The following PCDH7 variants were observed in gnomAD, a reference collection of about 807,000 sequenced individuals.
The protein encoded by PCDH7 is protocadherin 7, also known as protocadherin-7.
In PCDH7, 17 loss-of-function variants were observed where a neutral mutation model predicts 58.9. That is an observed-to-expected ratio of 0.29 (90% CI 0.20 to 0.43). The LOEUF (loss-of-function observed/expected upper bound fraction) is 0.43, where lower values mean the gene tolerates loss of function less well. Among genes scored for constraint, PCDH7 ranks in the 20% least tolerant of loss-of-function variants. The pLI is 1.00. For synonymous variants in PCDH7, 664 were observed against 616.4 expected, an observed-to-expected ratio of 1.08 and a Z score of -1.14; for missense variants, 1,274 against 1,441.0, an observed-to-expected ratio of 0.88 and a Z score of 1.88.
chr4:30,831,631 A>G (rs1439583029), intron 1 of PCDH7, among the ~76,000 whole-genome samples: 1 of 152,140 alleles, frequency 6.6e-6, no homozygotes, highest in Non-Finnish European at 1.5e-5. Flanking sequence ...ACCTCTACTC[A>G]TTGTATACAC....
chr4:30,901,518 T>G (rs1403265267), intron 1 of PCDH7, among the ~76,000 whole-genome samples: 3 of 152,284 alleles, frequency 2.0e-5, no homozygotes, highest in East Asian at 1.9e-4. Context: ...TTTTTAAGTT[T>G]CCCAGGTAAT....
chr4:31,137,156 G>GA (rs1719697807), intron 3 of PCDH7, among the ~76,000 whole-genome samples: 1 of 152,094 alleles, frequency 6.6e-6, no homozygotes, highest in Admixed American at 6.6e-5. Flanking sequence ...TGTGCTTCTA[G>GA]AAAAAATAAG....
At chr4:30,970,109 C>G (rs1749421301) in intron 3 of PCDH7, among the ~76,000 whole-genome samples, 1 of 152,146 alleles carries the variant, frequency 6.6e-6, no homozygotes, top group Non-Finnish European at 1.5e-5. Flanking sequence ...AAGTACTGTG[C>G]ATACTGCTGC....
intron 1 of PCDH7, among the ~76,000 whole-genome samples, chr4:30,787,653 T>A (rs1257329517): frequency 1.3e-5 from 2 of 152,088 alleles, no homozygotes; most frequent in Non-Finnish European, 2.9e-5. Context: ...AGGGCCTTTT[T>A]AAATTTATTG....
chr4:30,819,271 G>T (rs1417350639), intron 1 of PCDH7, among the ~76,000 whole-genome samples: 4 of 152,122 alleles, frequency 2.6e-5, no homozygotes, highest in Non-Finnish European at 4.4e-5. Context: ...GGGAACCTAG[G>T]CCTGGCTCTC....
intron 1 of PCDH7, among the ~76,000 whole-genome samples, chr4:30,813,833 G>A (rs1287770837): frequency 2.0e-5 from 3 of 152,074 alleles, no homozygotes; most frequent in South Asian, 2.1e-4. Context: ...GTAGAGATGC[G>A]GTTTGACCAT....
At chr4:31,014,667 G>A (rs1578563725) in intron 3 of PCDH7, among the ~76,000 whole-genome samples, 4 of 152,168 alleles carry the variant, frequency 2.6e-5, no homozygotes, top group Middle Eastern at 6.8e-3. Context: ...ACTTACCCAC[G>A]ATGTAGAGAA....
chr4:30,841,341 T>G (rs1232911911), intron 1 of PCDH7, among the ~76,000 whole-genome samples: 1 of 152,154 alleles, frequency 6.6e-6, no homozygotes, highest in Non-Finnish European at 1.5e-5. Context: ...AAATTTCATC[T>G]TGATATAATG....
chr4:31,006,385 G>A (rs993148935), intron 3 of PCDH7, among the ~76,000 whole-genome samples: 1 of 152,148 alleles, frequency 6.6e-6, no homozygotes, highest in Non-Finnish European at 1.5e-5. Flanking sequence ...ATGAGAATGA[G>A]ATCATATGGA....
At chr4:31,010,168 G>T (rs1269335036) in intron 3 of PCDH7, among the ~76,000 whole-genome samples, 1 of 151,912 alleles carries the variant, frequency 6.6e-6, no homozygotes, top group African/African-American at 2.4e-5. Context: ...ATAAAGCTGG[G>T]AGGGTTTTGC....
intron 1 of PCDH7, among the ~76,000 whole-genome samples, chr4:30,827,726 G>C (rs564912567): frequency 1.3e-5 from 2 of 152,172 alleles, no homozygotes; most frequent in African/African-American, 4.8e-5. Context: ...GAAGAGAGTA[G>C]CCTGTAGGAG....
intron 3 of PCDH7, among the ~76,000 whole-genome samples, chr4:31,030,175 G>GTGTGCATGTGTT (rs1240637019): frequency 6.6e-6 from 1 of 151,972 alleles, no homozygotes; most frequent in Non-Finnish European, 1.5e-5. Context: ...GTGCATGTGT[G>GTGTGCATGTGTT]TATGGGAGTG....
intron 3 of PCDH7, among the ~76,000 whole-genome samples, chr4:30,985,511 A>G (rs75253539): frequency 0.038 from 5,754 of 152,292 alleles, 164 homozygotes; most frequent in Non-Finnish European, 0.06. Flanking sequence ...AGTGGTGACT[A>G]TGCAGTCAAC....
chr4:30,979,093 G>A (rs1057412011), intron 3 of PCDH7, among the ~76,000 whole-genome samples: 7 of 151,914 alleles, frequency 4.6e-5, no homozygotes, highest in Non-Finnish European at 1.0e-4. Flanking sequence ...TTGGGGGGCC[G>A]AGGCAGGCAG....
chr4:30,765,740 A>G lies in PCDH7; in HGVS notation c.70+41144A>G, dbSNP rs181972175. 1.4e-3 allele frequency among the ~76,000 whole-genome samples: 208 copies of G among 152,256 alleles called. 1 individual carries two copies. Among genetic ancestry groups the G allele is most frequent in the East Asian group, 8.1e-3 (42 of 5,166 alleles). On this transcript the variant is annotated intron_variant, in intron 1 of 3. Transcript: ENST00000509759. ...TACTGTGTTCTCTGATGAGAGTGTGAGCTGTGCAGGTGGGAAGAAGGGAGA... is the reference window on the plus strand; with the variant it reads ...TACTGTGTTCTCTGATGAGAGTGTGGGCTGTGCAGGTGGGAAGAAGGGAGA...
rs1190443409 is a variant in PCDH7, at chr4:31,097,587, C to CATATATAT, written c.*8-44842_*8-44835dup. On this transcript the variant is annotated intron_variant, in intron 3 of 3. Coordinates refer to the PCDH7 transcript ENST00000509759. ...TGTGGCTGTTTTTCCTCCAAATATACATATATATATATATATATATATATA... is the reference window on the plus strand; with the variant it reads ...TGTGGCTGTTTTTCCTCCAAATATACATATATATATATATATATATATATATATATATA... 2.3e-3 allele frequency among the ~76,000 whole-genome samples: 91 copies of CATATATAT among 40,008 alleles called. 5 individuals carry two copies. Among genetic ancestry groups the CATATATAT allele is most frequent in the Non-Finnish European group, 3.5e-3 (66 of 18,770 alleles). 26.2% of individuals were successfully genotyped at this position (40,008 alleles called of 152,430 possible). A position where few individuals can be genotyped will look rare whatever the true frequency, so the allele number is the denominator to read the frequency against.
intron 3 of PCDH7, among the ~76,000 whole-genome samples, chr4:31,081,548 ATTCACAT>A (rs1474767622): frequency 6.6e-6 from 1 of 152,150 alleles, no homozygotes; most frequent in East Asian, 1.9e-4. Flanking sequence ...CTCTACAATG[ATTCACAT>A]TTCTGTGTCT....
intron 3 of PCDH7, among the ~76,000 whole-genome samples, chr4:31,025,468 T>G (rs1174395683): frequency 6.6e-6 from 1 of 152,298 alleles, no homozygotes. Context: ...AGCTGAAATG[T>G]TTTGATCCCA....
chr4:30,932,916 C>T (rs1744822705), intron 2 of PCDH7, among the ~76,000 whole-genome samples: 1 of 152,188 alleles, frequency 6.6e-6, no homozygotes, highest in African/African-American at 2.4e-5. Flanking sequence ...GTCTCTGCCT[C>T]CTCTTCAAAG....
Sources: allele counts gnomAD v4.1 joint callset (sites outside exome capture counted in the v4.1 genomes callset), GRCh38; gene constraint gnomAD v4.1.1; transcripts MANE v1.5; gene names NCBI Gene and HGNC (gene_info 2026-07-23, HGNC 2026-07-21).